Variants in AR observed in about 807,000 individuals in gnomAD.
The protein encoded by AR is dihydrotestosterone receptor.
AR carries 8 observed loss-of-function variants against 53.9 expected under a neutral mutation model. That is an observed-to-expected ratio of 0.15 (90% CI 0.09 to 0.27). AR has a LOEUF of 0.27. Ranked by LOEUF, AR falls within the 10% of genes least tolerant of loss-of-function variation. The probability of loss-of-function intolerance (pLI) is 1.00; values close to 1 mark genes in which losing one functional copy is unlikely to be tolerated. For missense variants in AR, 639 were observed against 742.5 expected, an observed-to-expected ratio of 0.86 and a Z score of 1.62; for synonymous variants, 359 against 316.4, an observed-to-expected ratio of 1.13 and a Z score of -1.43.
chrX:67,685,922 C>A (rs1396500956), intron 2 of AR, 88 bp from the exon 3 acceptor site: 12 of 1,176,783 alleles, frequency 1.0e-5, no homozygotes, highest in Non-Finnish European at 1.4e-5. Context: ...GATATAATTT[C>A]ATATCTTTTC....
At chrX:67,569,218 G>T (rs1321864152) in intron 1 of AR, among the ~76,000 whole-genome samples, 1 of 103,340 alleles carries the variant, frequency 9.7e-6, no homozygotes, top group Non-Finnish European at 2.0e-5. Flanking sequence ...TGTGTGGGGG[G>T]GGGTTGGGGG....
intron 2 of AR, among the ~76,000 whole-genome samples, chrX:67,673,628 AT>A (rs1194191811): frequency 3.7e-5 from 4 of 107,865 alleles, no homozygotes; most frequent in Admixed American, 1.0e-4. Context: ...ATGTCTGCTT[AT>A]TTTTTTTTAG....
chrX:67,655,314 T>G (rs2147452821), intron 2 of AR, among the ~76,000 whole-genome samples: 1 of 111,195 alleles, frequency 9.0e-6, no homozygotes, highest in African/African-American at 3.3e-5. Flanking sequence ...TTGTGTTGTT[T>G]ATAACTAAAA....
chrX:67,642,321 T>C (rs1784563643), intron 1 of AR, among the ~76,000 whole-genome samples: 3 of 111,864 alleles, frequency 2.7e-5, no homozygotes, highest in Non-Finnish European at 3.8e-5. Flanking sequence ...TTCCATTTTG[T>C]TCAAACTTGA....
intron 4 of AR, 25 bp from the exon 5 acceptor site, chrX:67,717,453 A>G (rs1602276094): frequency 8.3e-7 from 1 of 1,210,812 alleles, no homozygotes. Flanking sequence ...CAGACTGACC[A>G]CTGCCTCTGC....
intron 1 of AR, among the ~76,000 whole-genome samples, chrX:67,592,968 C>T (rs1185276706): frequency 1.8e-5 from 2 of 111,708 alleles, no homozygotes; most frequent in African/African-American, 6.5e-5. Context: ...AAAATAGTGC[C>T]AAGAATATTA....
intron 1 of AR, among the ~76,000 whole-genome samples, chrX:67,568,617 A>G (rs1359136488): frequency 9.0e-6 from 1 of 111,621 alleles, no homozygotes; most frequent in Non-Finnish European, 1.9e-5. Context: ...TATTTTTCAG[A>G]GGCCTGGCAG....
rs770166641 is a variant in AR at position 67,711,516 on chromosome X, G to A, written c.2000G>A (p.Gly667Asp). 1.3e-5 allele frequency: 16 copies of A among 1,211,404 alleles called. No individual in the cohort carries two copies. Among genetic ancestry groups the A allele is most frequent in the Non-Finnish European group, 1.7e-5 (15 of 895,416 alleles). The change falls in exon 4 of 8, where the codon GGC becomes GAC. Residue 667 changes from glycine (G) to aspartate (D), a missense_variant. Coordinates refer to ENST00000374690, the MANE Select transcript of AR (RefSeq NM_000044.6). ...AAGCTGACAGTGTCACACATTGAAGGCTATGAATGTCAGCCCATCTTTCTG... is the reference window on the plus strand; with the variant it reads ...AAGCTGACAGTGTCACACATTGAAGACTATGAATGTCAGCCCATCTTTCTG... ...TQKLTVSHIE[G>D]YECQPIFLNV...
rs2076154431 is a variant in AR, at chrX:67,725,593, A to C, written c.*1752A>C. ...AAGAGGAGACTCTGACTACTGAATT[A>C]AAATCTTCAGCGGCAAAGCCTAAAG... On this transcript the variant is annotated 3_prime_UTR_variant, in exon 8 of 8. Transcript: ENST00000374690. The C allele has an allele frequency of 4.0e-5, 7 of 175,819 alleles. No homozygotes were observed. Among genetic ancestry groups the C allele is most frequent in the Non-Finnish European group, 7.6e-5 (7 of 91,757 alleles). 14.5% of individuals were successfully genotyped at this position (175,819 alleles called of 1,213,427 possible). A position where few individuals can be genotyped will look rare whatever the true frequency, so the allele number is the denominator to read the frequency against.
At chrX:67,562,588 ATTCAT>A (rs1921380595) in intron 1 of AR, among the ~76,000 whole-genome samples, 1 of 111,490 alleles carries the variant, frequency 9.0e-6, no homozygotes, top group African/African-American at 3.3e-5. Flanking sequence ...GATCCGCTTT[ATTCAT>A]TTAAGTTACC....
chrX:67,665,690 TGG>T (rs1927227646), intron 2 of AR, among the ~76,000 whole-genome samples: 1 of 111,549 alleles, frequency 9.0e-6, no homozygotes, highest in Non-Finnish European at 1.9e-5. Context: ...CCTTTTATGA[TGG>T]TGTGAGCATT....
intron 5 of AR, among the ~76,000 whole-genome samples, chrX:67,720,180 G>A (rs2076129782): frequency 9.0e-6 from 1 of 110,958 alleles, no homozygotes; most frequent in Non-Finnish European, 1.9e-5. Context: ...TTTCTCTCTT[G>A]CACTCCCACC....
chrX:67,585,906 G>A (rs1922518423), intron 1 of AR, among the ~76,000 whole-genome samples: 2 of 111,870 alleles, frequency 1.8e-5, no homozygotes, highest in Admixed American at 1.9e-4. Context: ...AACAAAGAAA[G>A]TTAAGGGTAC....
intron 2 of AR, among the ~76,000 whole-genome samples, chrX:67,673,922 C>T (rs2075882783): frequency 9.0e-6 from 1 of 110,998 alleles, no homozygotes; most frequent in Non-Finnish European, 1.9e-5. Context: ...CTTGTTCATA[C>T]CTGCCCTCCT....
chrX:67,645,275 C>G (rs1201525422), intron 2 of AR, among the ~76,000 whole-genome samples: 1 of 111,667 alleles, frequency 9.0e-6, no homozygotes, highest in African/African-American at 3.3e-5. Flanking sequence ...AGGGGAAATG[C>G]TCAATCACAT....
intron 3 of AR, among the ~76,000 whole-genome samples, chrX:67,706,348 A>T (rs181738619): frequency 9.0e-6 from 1 of 111,725 alleles, no homozygotes; most frequent in East Asian, 2.8e-4. Context: ...CTATTAAGAG[A>T]TTCAACTTCC....
At chrX:67,704,416 A>G (rs998923356) in intron 3 of AR, among the ~76,000 whole-genome samples, 1 of 110,882 alleles carries the variant, frequency 9.0e-6, no homozygotes, top group African/African-American at 3.3e-5. Flanking sequence ...GCATTTTTTC[A>G]TGTGTCTGTT....
At chrX:67,632,385 G>A (rs1310591028) in intron 1 of AR, among the ~76,000 whole-genome samples, 1 of 112,225 alleles carries the variant, frequency 8.9e-6, no homozygotes, top group Non-Finnish European at 1.9e-5. Context: ...GTATTTGGGT[G>A]GGAGTGACCC....
intron 2 of AR, among the ~76,000 whole-genome samples, chrX:67,666,080 T>G (rs898263405): frequency 1.8e-5 from 2 of 111,288 alleles, no homozygotes; most frequent in Non-Finnish European, 3.8e-5. Context: ...CCAATTATAT[T>G]CTTTTAGTTA....
Sources: gnomAD v4.1 joint callset for allele counts (sites outside exome capture counted in the v4.1 genomes callset) on GRCh38, gnomAD v4.1.1 for gene constraint, MANE v1.5 for transcripts, NCBI Gene and HGNC (gene_info 2026-07-23, HGNC 2026-07-21) for gene names.